PDE7A: variants seen among roughly 807,000 people sequenced by gnomAD.
PDE7A encodes phosphodiesterase 7A, also known as high affinity 3',5'-cyclic-AMP phosphodiesterase 7A.
A neutral mutation model predicts 64.3 loss-of-function variants in PDE7A; 39 were observed. The observed-to-expected ratio is 0.61, with a 90% CI of 0.47 to 0.79. The LOEUF is 0.79. Ranked by LOEUF, PDE7A falls within the 30% of genes least tolerant of loss-of-function variation. The pLI, the probability that PDE7A is intolerant of heterozygous loss-of-function variation, is 0.00. For synonymous variants in PDE7A, 203 were observed against 206.8 expected (o/e 0.98, Z 0.16); for missense variants, 470 against 582.8 (o/e 0.81, Z 1.99).
chr8:65,796,664 T>C (rs1383775640), intron 1 of PDE7A, among the ~76,000 whole-genome samples: 1 of 152,066 alleles, frequency 6.6e-6, no homozygotes, highest in Non-Finnish European at 1.5e-5. Context: ...ATAAACAATC[T>C]TAATAAACTA....
At position 65,714,383 on chromosome 8, in the gene PDE7A, A is replaced by G. The variant is rs913272941; in HGVS notation, c.*4907T>C. On this transcript the variant is annotated 3_prime_UTR_variant, in exon 13 of 13. Coordinates refer to ENST00000401827, the MANE Select transcript of PDE7A (RefSeq NM_001242318.3). ...TAATGGCCCAATGTACACCAGCCCT[A>G]TGGTGAGCACAGGAACCAGGAAGAT... is the stretch of plus-strand genomic sequence containing the variant. 1.3e-5 allele frequency: 2 copies of G among 152,058 alleles called. No individual in the cohort carries two copies. The highest frequency in any genetic ancestry group is 2.4e-5 in the African/African-American group (1 of 41,390). 9.4% of individuals were successfully genotyped at this position (152,058 alleles called of 1,614,324 possible).
At chr8:65,750,530 CAG>C (rs571589742) in intron 3 of PDE7A, among the ~76,000 whole-genome samples, 1 of 131,184 alleles carries the variant, frequency 7.6e-6, no homozygotes, top group African/African-American at 2.9e-5. Context: ...GTGTGTGAGA[CAG>C]AGAGAGAATT....
At chr8:65,767,399 GTATTATGATGTATATA>G (rs1427749955) in intron 3 of PDE7A, among the ~76,000 whole-genome samples, 1 of 152,216 alleles carries the variant, frequency 6.6e-6, no homozygotes, top group Non-Finnish European at 1.5e-5. Context: ...TGGGAGTGTA[GTATTATGATGTATATA>G]TTGGTTTTCA....
intron 12 of PDE7A, among the ~76,000 whole-genome samples, chr8:65,720,107 G>A (rs1806312562): frequency 6.6e-6 from 1 of 152,296 alleles, no homozygotes; most frequent in Non-Finnish European, 1.5e-5. Context: ...GTGTACCAGA[G>A]ACCTATTTTA....
chr8:65,716,191 C>T lies in PDE7A; in HGVS notation c.*3099G>A, dbSNP rs989066827. On this transcript the variant is annotated 3_prime_UTR_variant, in exon 13 of 13. Transcript: ENST00000401827. The stretch of plus-strand genomic sequence containing the variant: ...AAAGGGCTATAGAAGGTGATTCCCA[C>T]ATATACATAATAAAACAACTTTTCA... Among the ~76,000 whole-genome samples, 1 of 150,172 alleles carries T rather than the reference C, an allele frequency of 6.7e-6. No individual in the cohort carries two copies. Among genetic ancestry groups the T allele is most frequent in the African/African-American group, 2.4e-5 (1 of 40,878 alleles).
chr8:65,732,235 G>A (rs1395376084), intron 7 of PDE7A, among the ~76,000 whole-genome samples: 3 of 152,112 alleles, frequency 2.0e-5, no homozygotes, highest in African/African-American at 4.8e-5. Context: ...CTGACCTCAG[G>A]TGATTCACCA....
chr8:65,781,325 A>G (rs1809413681), intron 2 of PDE7A, among the ~76,000 whole-genome samples: 1 of 147,494 alleles, frequency 6.8e-6, no homozygotes, highest in African/African-American at 2.5e-5. Flanking sequence ...GAGCAAGGTG[A>G]GTGAGGGGAA....
intron 1 of PDE7A, among the ~76,000 whole-genome samples, chr8:65,798,206 A>ATATATATATATATATATTTTTTTT: frequency 2.7e-5 from 2 of 73,806 alleles, no homozygotes; most frequent in African/African-American, 5.8e-5. Context: ...ATATATATAT[A>ATATATATATATATATATTTTTTTT]TTTTTTTTTT....
At chr8:65,771,575 C>T (rs1001277856) in intron 3 of PDE7A, among the ~76,000 whole-genome samples, 1 of 152,034 alleles carries the variant, frequency 6.6e-6, no homozygotes, top group Non-Finnish European at 1.5e-5. Context: ...AACAGATAAT[C>T]CTGGCTGGGC....
intron 1 of PDE7A, among the ~76,000 whole-genome samples, chr8:65,814,047 G>C (rs1274492796): frequency 6.6e-6 from 1 of 151,724 alleles, no homozygotes; most frequent in African/African-American, 2.4e-5. Flanking sequence ...TTTTAAAAGT[G>C]GTATTTTCAT....
At chr8:65,800,256 C>T (rs1015452724) in intron 1 of PDE7A, among the ~76,000 whole-genome samples, 1 of 152,188 alleles carries the variant, frequency 6.6e-6, no homozygotes, top group Non-Finnish European at 1.5e-5. Flanking sequence ...TTTCTTCCTG[C>T]AGTGCTTGGA....
chr8:65,751,602 C>T (rs1416796226), intron 3 of PDE7A, among the ~76,000 whole-genome samples: 1 of 152,148 alleles, frequency 6.6e-6, no homozygotes, highest in Admixed American at 6.5e-5. Flanking sequence ...AAGCAATTCT[C>T]CTGCCTCAGC....
At position 65,723,567 on chromosome 8, in the gene PDE7A, G is replaced by A; in HGVS notation, c.1217C>T (p.Thr406Ile). ...LGVSPLCDRH[T>I]ESIANIQIGF... is the part of the protein sequence containing the mutation. ...AATCTGGATGTTGGCAATAGATTCA[G>A]TGTGACGATCGCAAAGTGGACTCAC... Residue 406 changes from threonine (T) to isoleucine (I), a missense_variant, in exon 12 of 13, where the codon ACT becomes ATT. Physicochemically the swap from Thr to Ile is moderately conservative, Grantham distance 89. Transcript: ENST00000401827. 6.9e-6 allele frequency: 11 copies of A among 1,583,048 alleles called. No individual in the cohort carries two copies. Among genetic ancestry groups the A allele is most frequent in the African/African-American group, 1.4e-5 (1 of 73,646 alleles).
chr8:65,832,819 T>C (rs1810864753), intron 1 of PDE7A, among the ~76,000 whole-genome samples: 1 of 152,144 alleles, frequency 6.6e-6, no homozygotes, highest in Non-Finnish European at 1.5e-5. Context: ...ATTTCTTTGA[T>C]TACCAGCATG....
chr8:65,828,411 T>C (rs1202184443), intron 1 of PDE7A, among the ~76,000 whole-genome samples: 1 of 152,144 alleles, frequency 6.6e-6, no homozygotes, highest in Non-Finnish European at 1.5e-5. Context: ...CTATGACAAA[T>C]ATGGCTATTT....
chr8:65,733,094 C>A (rs749690945), intron 7 of PDE7A, among the ~76,000 whole-genome samples: 2 of 152,122 alleles, frequency 1.3e-5, no homozygotes, highest in Non-Finnish European at 2.9e-5. Flanking sequence ...TTATCTATAT[C>A]CTTAATTGAA....
chr8:65,789,128 G>A, intron 1 of PDE7A: 2 of 1,212,294 alleles, frequency 1.6e-6, no homozygotes, highest in Non-Finnish European at 2.2e-6. Context: ...TACCCAGCCA[G>A]CCTTCTTACC....
chr8:65,799,873 T>C (rs7001138), intron 1 of PDE7A, among the ~76,000 whole-genome samples: 9,611 of 152,286 alleles, frequency 0.063, 380 homozygotes, highest in Middle Eastern at 0.11. Context: ...AAACTCACAA[T>C]TGGTAACTAT....
Position 65,734,907 on chromosome 8 carries a change from A to C in PDE7A, c.596-13T>G. 6.6e-7 allele frequency: 1 copy of C among 1,524,838 alleles called. No homozygotes were observed. The highest frequency in any genetic ancestry group is 1.4e-5 in the African/African-American group (1 of 73,260). 94.5% of individuals were successfully genotyped at this position (1,524,838 alleles called of 1,614,324 possible). ...TCTTGAATCATAACTGCATCAAAGA[A>C]AGAGATCCCGATTTTATTGTATATG... On this transcript the variant is annotated splice_polypyrimidine_tract_variant and intron_variant, in intron 6 of 12. Coordinates refer to ENST00000401827, the MANE Select transcript of PDE7A (RefSeq NM_001242318.3).
Sources: gnomAD v4.1 joint callset for allele counts (sites outside exome capture counted in the v4.1 genomes callset) on GRCh38, gnomAD v4.1.1 for gene constraint, MANE v1.5 for transcripts, NCBI Gene and HGNC (gene_info 2026-07-23, HGNC 2026-07-21) for gene names.